The following MDGA2 variants were observed in gnomAD, a reference collection of about 807,000 sequenced individuals.
MDGA2 encodes the protein MAM domain-containing glycosylphosphatidylinositol anchor protein 2.
In MDGA2, 40 loss-of-function variants were observed where a neutral mutation model predicts 117.8. That is an observed-to-expected ratio of 0.34 (90% CI 0.26 to 0.44). The LOEUF (loss-of-function observed/expected upper bound fraction) is 0.44. Among genes scored for constraint, MDGA2 ranks in the 20% least tolerant of loss-of-function variants. The probability of loss-of-function intolerance (pLI) is 1.00; values close to 1 mark genes in which losing one functional copy is unlikely to be tolerated. For synonymous variants in MDGA2, 452 were observed against 439.0 expected (o/e 1.03, Z -0.37); for missense variants, 1,123 against 1,250.6 (o/e 0.90, Z 1.54).
intron 8 of MDGA2, among the ~76,000 whole-genome samples, chr14:47,009,308 C>T (rs1032271754): frequency 6.6e-6 from 1 of 151,874 alleles, no homozygotes; most frequent in African/African-American, 2.4e-5. Flanking sequence ...AAAAAGTTAG[C>T]CAATTTAATA....
chr14:47,325,353 C>A (rs572978757), intron 1 of MDGA2, among the ~76,000 whole-genome samples: 1 of 152,194 alleles, frequency 6.6e-6, no homozygotes, highest in South Asian at 2.1e-4. Context: ...ACACCATAGG[C>A]ATGTAGATAA....
chr14:47,277,085 A>G (rs1390469032), intron 2 of MDGA2, among the ~76,000 whole-genome samples: 1 of 152,088 alleles, frequency 6.6e-6, no homozygotes, highest in Non-Finnish European at 1.5e-5. Context: ...TGAGCCATAA[A>G]GCTCTTATGA....
chr14:47,140,603 T>C (rs1594662659), intron 4 of MDGA2, among the ~76,000 whole-genome samples: 1 of 152,180 alleles, frequency 6.6e-6, no homozygotes, highest in Non-Finnish European at 1.5e-5. Flanking sequence ...CTTCAGTAGA[T>C]AGTGCTGGGA....
chr14:47,511,947 A>G (rs902672088), intron 1 of MDGA2, among the ~76,000 whole-genome samples: 2 of 152,128 alleles, frequency 1.3e-5, no homozygotes, highest in African/African-American at 4.8e-5. Flanking sequence ...GTGTGTATTT[A>G]ATGTTAAACA....
At chr14:47,087,110 G>A (rs1453541647) in intron 6 of MDGA2, among the ~76,000 whole-genome samples, 1 of 152,100 alleles carries the variant, frequency 6.6e-6, no homozygotes, top group Admixed American at 6.6e-5. Context: ...ACTTCATCAG[G>A]AAATTAGTGT....
chr14:47,115,907 A>T (rs1220421769), intron 5 of MDGA2, among the ~76,000 whole-genome samples: 1 of 152,066 alleles, frequency 6.6e-6, no homozygotes, highest in African/African-American at 2.4e-5. Flanking sequence ...ACTTCTTTTC[A>T]ACACAGTAGT....
chr14:46,869,531 G>A (rs1881916615), intron 14 of MDGA2, among the ~76,000 whole-genome samples: 1 of 151,656 alleles, frequency 6.6e-6, no homozygotes, highest in Admixed American at 6.6e-5. Flanking sequence ...TTTTCATTTG[G>A]AAACATGTTT....
chr14:46,950,286 C>G (rs1034594368), intron 9 of MDGA2, among the ~76,000 whole-genome samples: 3 of 151,870 alleles, frequency 2.0e-5, no homozygotes, highest in Non-Finnish European at 4.4e-5. Context: ...TTTATCATCA[C>G]TACTAAAAGA....
chr14:47,028,842 C>T lies in MDGA2; in HGVS notation c.1819+6169G>A, dbSNP rs147627812. Among the ~76,000 whole-genome samples, 10 of 152,258 alleles carry T rather than the reference C, an allele frequency of 6.6e-5. No individual in the cohort carries two copies. In the East Asian group the frequency reaches 1.5e-3, roughly 23 times the overall value. Reference sequence around the variant, plus strand: ...TACTGAGCTGAAAGTCATTATTACCCTCCTAATAAATTAAAAATTCATTCA... The same window carrying T: ...TACTGAGCTGAAAGTCATTATTACCTTCCTAATAAATTAAAAATTCATTCA... On this transcript the variant is annotated intron_variant, in intron 8 of 16. Transcript: ENST00000399232.
At chr14:46,950,335 T>A (rs1296679674) in intron 9 of MDGA2, among the ~76,000 whole-genome samples, 2 of 151,610 alleles carry the variant, frequency 1.3e-5, no homozygotes, top group Non-Finnish European at 2.9e-5. Context: ...AACTATGTTA[T>A]TATTGGCTTA....
At chr14:46,851,891 T>TA (rs1278273219) in intron 15 of MDGA2, among the ~76,000 whole-genome samples, 1 of 137,990 alleles carries the variant, frequency 7.2e-6, no homozygotes, top group Non-Finnish European at 1.6e-5. Flanking sequence ...TGACAAGTTA[T>TA]AAAAGATTTT....
At chr14:46,856,612 T>C (rs1014769471) in intron 14 of MDGA2, among the ~76,000 whole-genome samples, 2 of 152,076 alleles carry the variant, frequency 1.3e-5, no homozygotes, top group African/African-American at 2.4e-5. Context: ...ATGATATTTA[T>C]GTTATTGTTT....
intron 1 of MDGA2, among the ~76,000 whole-genome samples, chr14:47,424,686 G>C (rs1032238233): frequency 1.3e-5 from 2 of 152,092 alleles, no homozygotes; most frequent in Non-Finnish European, 2.9e-5. Flanking sequence ...ATTCAGAGTG[G>C]AGCTAGAGAG....
intron 5 of MDGA2, among the ~76,000 whole-genome samples, chr14:47,115,008 A>C (rs568211782): frequency 5.8e-4 from 88 of 152,052 alleles, no homozygotes; most frequent in African/African-American, 2.0e-3. Flanking sequence ...AATGGAAGAA[A>C]ATTTTTGCTT....
chr14:47,668,403 T>G (rs1594973332), intron 1 of MDGA2, among the ~76,000 whole-genome samples: 1 of 152,312 alleles, frequency 6.6e-6, no homozygotes, highest in South Asian at 2.1e-4. Flanking sequence ...AGAAAATAAG[T>G]TTCACAAACA....
At chr14:47,589,178 C>T (rs912689933) in intron 1 of MDGA2, among the ~76,000 whole-genome samples, 1 of 151,912 alleles carries the variant, frequency 6.6e-6, no homozygotes, top group African/African-American at 2.4e-5. Context: ...CTTTGTGGGG[C>T]AGTTATTTTA....
At chr14:47,371,470 A>G (rs1891357377) in intron 1 of MDGA2, among the ~76,000 whole-genome samples, 1 of 151,782 alleles carries the variant, frequency 6.6e-6, no homozygotes, top group South Asian at 2.1e-4. Context: ...AAATATTAAC[A>G]TTATAATAAT....
chr14:47,030,215 G>C (rs1255345838), intron 8 of MDGA2, among the ~76,000 whole-genome samples: 1 of 151,994 alleles, frequency 6.6e-6, no homozygotes, highest in Non-Finnish European at 1.5e-5. Flanking sequence ...ACTTTGTTTA[G>C]AAAGTTGTTT....
At chr14:47,094,409 A>T (rs563262231) in intron 6 of MDGA2, among the ~76,000 whole-genome samples, 1 of 152,138 alleles carries the variant, frequency 6.6e-6, no homozygotes, top group African/African-American at 2.4e-5. Flanking sequence ...GGTAGAGAGG[A>T]GAAAATCATA....
Sources: gnomAD v4.1 joint callset for allele counts (sites outside exome capture counted in the v4.1 genomes callset) on GRCh38, gnomAD v4.1.1 for gene constraint, MANE v1.5 for transcripts, NCBI Gene and HGNC (gene_info 2026-07-23, HGNC 2026-07-21) for gene names.